Variants in RASSF3 observed in about 807,000 individuals in gnomAD.
The protein encoded by RASSF3 is Ras association domain family member 3, also known as ras association domain-containing protein 3.
A neutral mutation model predicts 19.9 loss-of-function variants in RASSF3; 19 were observed. That is an observed-to-expected ratio of 0.96 (90% CI 0.67 to 1.40). RASSF3 has a LOEUF of 1.40. Ranked by LOEUF, RASSF3 falls within the 40% of genes most tolerant of loss-of-function variation. The pLI is 0.00. For missense variants in RASSF3, 306 were observed against 289.8 expected, an observed-to-expected ratio of 1.06 and a Z score of -0.41; for synonymous variants, 110 against 104.2, an observed-to-expected ratio of 1.06 and a Z score of -0.34.
chr12:64,642,574 AAAAAAAAAAAAAAAGAT>A lies in RASSF3; in HGVS notation c.111+31832_111+31848del, dbSNP rs1321573574. On this transcript the variant is annotated intron_variant, in intron 1 of 4. Coordinates refer to ENST00000542104, the MANE Select transcript of RASSF3 (RefSeq NM_178169.4). ...GACTCCATCTCAAAAAAAAAAAAAAAAAAAAAAAAAAAAAGATTCATCAAAACTTTGTAATTAATACA... is the reference window on the plus strand; with the variant it reads ...GACTCCATCTCAAAAAAAAAAAAAAATCATCAAAACTTTGTAATTAATACA... 4.0e-3 allele frequency among the ~76,000 whole-genome samples: 603 copies of A among 149,714 alleles called. 6 individuals carry two copies. Among genetic ancestry groups the A allele is most frequent in the African/African-American group, 0.014 (586 of 40,902 alleles).
At position 64,684,790 on chromosome 12, in the gene RASSF3, G is replaced by C; in HGVS notation, c.115G>C (p.Val39Leu). ...QGKPRSGQQD[V>L]EKEKETHSYL... ...ACATGTCTTGTTTTTCTTCTAGGAT[G>C]TTGAGAAAGAGAAGGAAACCCACAG... Residue 39 changes from valine (V) to leucine (L), a missense_variant, in exon 2 of 5, where the codon GTT (valine) becomes CTT (leucine). Val to Leu is a conservative substitution (Grantham distance 32). Transcript: ENST00000542104. 6.2e-7 allele frequency: 1 copy of C among 1,604,598 alleles called. No homozygotes were observed. Among genetic ancestry groups the C allele is most frequent in the Non-Finnish European group, 8.5e-7 (1 of 1,171,574 alleles).
intron 1 of RASSF3, among the ~76,000 whole-genome samples, chr12:64,641,414 A>ACACACACACACACACACGCGCG: frequency 3.7e-4 from 52 of 142,098 alleles, no homozygotes; most frequent in African/African-American, 1.4e-3. Flanking sequence ...ACACACACAC[A>ACACACACACACACACACGCGCG]CGCGCGCGCG....
At chr12:64,650,408 C>CTTTTTTTTT (rs67304103) in intron 1 of RASSF3, among the ~76,000 whole-genome samples, 10 of 85,468 alleles carry the variant, frequency 1.2e-4, no homozygotes, top group South Asian at 5.0e-4. Flanking sequence ...TTTTTTTTTC[C>CTTTTTTTTT]TTTTTTTTTT....
At chr12:64,649,401 C>T in intron 1 of RASSF3, among the ~76,000 whole-genome samples, 1 of 152,062 alleles carries the variant, frequency 6.6e-6, no homozygotes. Context: ...ACCGTGTTAG[C>T]CAGGATGGTC....
chr12:64,694,412 C>T (rs887603238), intron 4 of RASSF3, among the ~76,000 whole-genome samples: 12 of 152,102 alleles, frequency 7.9e-5, no homozygotes, highest in African/African-American at 1.9e-4. Context: ...AATGAGGACT[C>T]GAGGTTAAGA....
chr12:64,662,327 G>A (rs548954492), intron 1 of RASSF3, among the ~76,000 whole-genome samples: 64 of 152,250 alleles, frequency 4.2e-4, no homozygotes, highest in African/African-American at 1.5e-3. Context: ...AGGCTAAGGT[G>A]GGAGGATCAT....
chr12:64,544,126 G>A (rs1869007352), downstream of RASSF3, among the ~76,000 whole-genome samples: 1 of 152,078 alleles, frequency 6.6e-6, no homozygotes, highest in South Asian at 2.1e-4. Context: ...AATAAATCCT[G>A]GTACTGCTCA....
At chr12:64,511,093 A>G (rs907597613) in intron 1 of RASSF3, among the ~76,000 whole-genome samples, 1 of 152,248 alleles carries the variant, frequency 6.6e-6, no homozygotes, top group Non-Finnish European at 1.5e-5. Flanking sequence ...CTAAGATACA[A>G]TAATAAAAGT....
At chr12:64,602,597 G>GA (rs112537242) in intron 2 of RASSF3, among the ~76,000 whole-genome samples, 3,113 of 147,586 alleles carry the variant, frequency 0.021, 106 homozygotes, top group African/African-American at 0.074. Flanking sequence ...AAAGAAAAAA[G>GA]AAAAAAAAAT....
At chr12:64,649,718 C>A (rs1411862782) in intron 1 of RASSF3, among the ~76,000 whole-genome samples, 2 of 152,222 alleles carry the variant, frequency 1.3e-5, no homozygotes, top group East Asian at 3.8e-4. Context: ...CTTAACACTT[C>A]CAAAACAAAG....
At chr12:64,587,688 A>G (rs1304422604) in intron 2 of RASSF3, among the ~76,000 whole-genome samples, 1 of 152,174 alleles carries the variant, frequency 6.6e-6, no homozygotes, top group Non-Finnish European at 1.5e-5. Flanking sequence ...GTTTGTGGGC[A>G]TTTGCCTGGC....
intron 2 of RASSF3, among the ~76,000 whole-genome samples, chr12:64,593,325 A>C (rs1869952596): frequency 6.6e-6 from 1 of 152,138 alleles, no homozygotes; most frequent in East Asian, 1.9e-4. Flanking sequence ...GGGTTCAAGC[A>C]ATTCTCCTGC....
At chr12:64,588,889 CT>C (rs1174031731) in intron 2 of RASSF3, among the ~76,000 whole-genome samples, 3 of 152,154 alleles carry the variant, frequency 2.0e-5, no homozygotes, top group Non-Finnish European at 2.9e-5. Flanking sequence ...CATAAAGACC[CT>C]CTTTATGTAA....
intron 1 of RASSF3, among the ~76,000 whole-genome samples, chr12:64,525,212 G>A (rs1199027118): frequency 1.3e-5 from 2 of 152,172 alleles, no homozygotes; most frequent in Non-Finnish European, 2.9e-5. Context: ...GAAAGCCGCG[G>A]TTGCAGTGAG....
At chr12:64,556,273 GC>G (rs1869254547) in intron 2 of RASSF3, among the ~76,000 whole-genome samples, 1 of 152,126 alleles carries the variant, frequency 6.6e-6, no homozygotes, top group Admixed American at 6.6e-5. Flanking sequence ...TCCCACCTCA[GC>G]CTCTTCAGTA....
rs1424417383 is a variant in RASSF3, at chr12:64,661,682, T to C, written c.112-23105T>C. ...CCATCTCTCTTTTTCTTTTTCTTTTTTTTTTTTTTTTTTTTTTTGAGACAG... is the reference window on the plus strand; with the variant it reads ...CCATCTCTCTTTTTCTTTTTCTTTTCTTTTTTTTTTTTTTTTTTGAGACAG... On this transcript the variant is annotated intron_variant, in intron 1 of 4. Transcript: ENST00000542104. Among the ~76,000 whole-genome samples the C allele has an allele frequency of 4.6e-4, 62 of 135,022 alleles. 1 individual carries two copies. Among genetic ancestry groups the C allele is most frequent in the Admixed American group, 1.2e-3 (16 of 13,686 alleles). The allele number at this position is 135,022 out of a possible 152,430, so 88.6% of individuals were successfully genotyped here. A position where few individuals can be genotyped will look rare whatever the true frequency, so the allele number is the denominator to read the frequency against.
chr12:64,603,092 C>G (rs1870124269), intron 2 of RASSF3, among the ~76,000 whole-genome samples: 3 of 151,082 alleles, frequency 2.0e-5, no homozygotes, highest in African/African-American at 7.3e-5. Flanking sequence ...GAGCAAAACT[C>G]TGTCTCAAAA....
At chr12:64,684,427 G>GTTTTTTTTTTTT (rs1188238001) in intron 1 of RASSF3, among the ~76,000 whole-genome samples, 1 of 59,054 alleles carries the variant, frequency 1.7e-5, no homozygotes, top group African/African-American at 6.5e-5. Flanking sequence ...CTGTTTGTTT[G>GTTTTTTTTTTTT]TTTGTTTGTT....
chr12:64,629,961 C>CAAAAAAAAAAAAAAAAAAAAAAAAA (rs34700817), intron 1 of RASSF3: 8 of 59,278 alleles, frequency 1.3e-4, no homozygotes, highest in Admixed American at 2.0e-4. Flanking sequence ...GACTCCATCT[C>CAAAAAAAAAAAAAAAAAAAAAAAAA]AAAAAAAAAA....
Sources: gnomAD v4.1 joint callset for allele counts (sites outside exome capture counted in the v4.1 genomes callset) on GRCh38, gnomAD v4.1.1 for gene constraint, MANE v1.5 for transcripts, NCBI Gene and HGNC (gene_info 2026-07-23, HGNC 2026-07-21) for gene names.